The following ZNF488 variants were observed in gnomAD, a reference collection of about 807,000 sequenced individuals.
ZNF488 encodes the protein zinc finger protein 488.
ZNF488 carries 1 observed loss-of-function variant against 1.2 expected under a neutral mutation model. That is an observed-to-expected ratio of 0.86 (90% CI 0.30 to 4.07). The LOEUF (loss-of-function observed/expected upper bound fraction) is 4.07. Ranked by LOEUF, ZNF488 falls within the 30% of genes most tolerant of loss-of-function variation. The probability of loss-of-function intolerance (pLI) is 0.18; values close to 1 mark genes in which losing one functional copy is unlikely to be tolerated. For synonymous variants in ZNF488, 185 were observed against 190.1 expected (o/e 0.97, Z 0.22); for missense variants, 450 against 437.9 (o/e 1.03, Z -0.25).
chr10:47,374,322 CATG>C (rs1555214180), intron 1 of ZNF488, among the ~76,000 whole-genome samples: 2 of 152,242 alleles, frequency 1.3e-5, no homozygotes, highest in African/African-American at 2.4e-5. Context: ...TGTGACACAG[CATG>C]ATACTTCTGT....
At chr10:47,371,658 C>T (rs1221123167) in intron 1 of ZNF488, among the ~76,000 whole-genome samples, 1 of 151,908 alleles carries the variant, frequency 6.6e-6, no homozygotes, top group Non-Finnish European at 1.5e-5. Flanking sequence ...GCGGCAGTGC[C>T]CTTTTCTGCT....
chr10:47,369,979 T>TGAATGAAA (rs1160561337), intron 1 of ZNF488, among the ~76,000 whole-genome samples: 4 of 149,358 alleles, frequency 2.7e-5, no homozygotes, highest in Non-Finnish European at 5.9e-5. Context: ...AAGCCTTTGC[T>TGAATGAAA]GAATGAATGA....
intron 1 of ZNF488, among the ~76,000 whole-genome samples, chr10:47,370,334 C>T (rs1837417625): frequency 6.6e-6 from 1 of 152,254 alleles, no homozygotes; most frequent in Non-Finnish European, 1.5e-5. Context: ...CCACCAAGGG[C>T]GTCCAACCTA....
chr10:47,382,434 CT>C (rs546835188), intron 1 of ZNF488, among the ~76,000 whole-genome samples: 70 of 151,166 alleles, frequency 4.6e-4, no homozygotes, highest in African/African-American at 1.4e-3. Flanking sequence ...TTAAGTTTGT[CT>C]TTTTTTTTAA....
intron 1 of ZNF488, among the ~76,000 whole-genome samples, chr10:47,372,241 T>C (rs17095806): frequency 0.052 from 7,867 of 151,750 alleles, 730 homozygotes; most frequent in African/African-American, 0.18. Context: ...GAGTTCAGAG[T>C]AGGAAGGTCC....
At chr10:47,378,421 T>C (rs557883620) in intron 1 of ZNF488, among the ~76,000 whole-genome samples, 1 of 152,322 alleles carries the variant, frequency 6.6e-6, no homozygotes, top group African/African-American at 2.4e-5. Flanking sequence ...CCTCCACTGG[T>C]GAGAGGTACT....
At chr10:47,377,644 G>A (rs1555214601) in intron 1 of ZNF488, among the ~76,000 whole-genome samples, 1 of 102,572 alleles carries the variant, frequency 9.7e-6, no homozygotes, top group Non-Finnish European at 1.9e-5. Flanking sequence ...ACACATGGCT[G>A]CCACCCAGAG....
chr10:47,370,606 G>C (rs1414791239), intron 1 of ZNF488, among the ~76,000 whole-genome samples: 1 of 152,226 alleles, frequency 6.6e-6, no homozygotes, highest in Non-Finnish European at 1.5e-5. Flanking sequence ...TGCCTAACAG[G>C]AGAGGGAAAT....
In ZNF488 at chr10:47,365,988, G is replaced by A. The variant is rs548016144; in HGVS notation, c.*1819C>T. 1.2e-5 allele frequency: 2 copies of A among 167,240 alleles called. No homozygotes were observed. Among genetic ancestry groups the A allele is most frequent in the South Asian group, 4.1e-4 (2 of 4,826 alleles). 10.4% of individuals were successfully genotyped at this position (167,240 alleles called of 1,614,324 possible). A position where few individuals can be genotyped will look rare whatever the true frequency, so the allele number is the denominator to read the frequency against. ...TGAAGGTAGCAGGTATAGCTTCAGG[G>A]AAGTGTCAGAAACACTGGAAGTGTT... On this transcript the variant is annotated 3_prime_UTR_variant, in exon 2 of 2. Transcript: ENST00000585316.
chr10:47,370,908 T>C (rs1364880968), intron 1 of ZNF488, among the ~76,000 whole-genome samples: 2 of 152,216 alleles, frequency 1.3e-5, no homozygotes, highest in African/African-American at 4.8e-5. Flanking sequence ...CCCTCTTCCG[T>C]TCATTCCGCA....
At position 47,368,255 on chromosome 10, in the gene ZNF488, A is replaced by C. The variant is rs782685426; in HGVS notation, c.575T>G (p.Leu192Arg). 3.7e-5 allele frequency: 60 copies of C among 1,614,108 alleles called. No individual in the cohort carries two copies. The highest frequency in any genetic ancestry group is 4.8e-5 in the Non-Finnish European group (57 of 1,180,046). ...GTCTGTAGTGTTGAGGAGTCCAGAC[A>C]GCTCCCCCAGGGCATCTGCAGATTC... Reference protein sequence around the residue: ...AGESADALGELSGLLNTTDLA... With the variant: ...AGESADALGERSGLLNTTDLA... The change falls in exon 2 of 2, where the codon CTG (leucine) becomes CGG (arginine). Residue 192 changes from leucine to arginine, a missense_variant. Transcript: ENST00000585316.
chr10:47,370,320 A>G (rs541477422), intron 1 of ZNF488, among the ~76,000 whole-genome samples: 60 of 152,338 alleles, frequency 3.9e-4, no homozygotes, highest in Non-Finnish European at 4.3e-4. Flanking sequence ...CAAACTATGA[A>G]GCTCCACCAA....
chr10:47,383,501 T>C (rs1245172704), intron 1 of ZNF488, among the ~76,000 whole-genome samples: 1 of 152,222 alleles, frequency 6.6e-6, no homozygotes, highest in Non-Finnish European at 1.5e-5. Context: ...AGGCTTAGCT[T>C]CCTGCTGTGC....
chr10:47,376,189 T>G (rs1259473102), intron 1 of ZNF488, among the ~76,000 whole-genome samples: 2 of 152,150 alleles, frequency 1.3e-5, no homozygotes, highest in African/African-American at 4.8e-5. Context: ...TGCTTCAAGA[T>G]CAGGGATGGA....
chr10:47,373,924 C>A (rs1005934374), intron 1 of ZNF488, among the ~76,000 whole-genome samples: 6 of 152,232 alleles, frequency 3.9e-5, no homozygotes, highest in Middle Eastern at 3.2e-3. Flanking sequence ...GGTGCTCCAT[C>A]CACCTACACT....
chr10:47,382,777 G>A (rs1335519231), intron 1 of ZNF488, among the ~76,000 whole-genome samples: 3 of 151,986 alleles, frequency 2.0e-5, no homozygotes, highest in Admixed American at 2.0e-4. Flanking sequence ...ATTTATCTAC[G>A]GCCAAATTTC....
At chr10:47,381,565 G>C (rs1837956390) in intron 1 of ZNF488, among the ~76,000 whole-genome samples, 1 of 152,416 alleles carries the variant, frequency 6.6e-6, no homozygotes. Context: ...GCAATTCCTG[G>C]TCAGCCCCTA....
At chr10:47,382,378 T>C (rs563697069) in intron 1 of ZNF488, among the ~76,000 whole-genome samples, 79 of 152,340 alleles carry the variant, frequency 5.2e-4, no homozygotes, top group African/African-American at 1.8e-3. Context: ...ATGATGTTCT[T>C]ATAGAGGCAC....
rs1837245617 is a variant in ZNF488 at position 47,367,047 on chromosome 10, A to G, written c.*760T>C. On this transcript the variant is annotated 3_prime_UTR_variant, in exon 2 of 2. Transcript: ENST00000585316. Reference sequence around the variant, plus strand: ...TGAGAGGACATTGGCAATGTGACCCAAGCAGAGGCTTGAGGTGTGCTTGTT... The same window carrying G: ...TGAGAGGACATTGGCAATGTGACCCGAGCAGAGGCTTGAGGTGTGCTTGTT... 6.0e-6 allele frequency: 1 copy of G among 167,062 alleles called. No individual in the cohort carries two copies. 10.3% of individuals were successfully genotyped at this position (167,062 alleles called of 1,614,324 possible).
Sources: gnomAD v4.1 joint callset for allele counts (sites outside exome capture counted in the v4.1 genomes callset) on GRCh38, gnomAD v4.1.1 for gene constraint, MANE v1.5 for transcripts, NCBI Gene and HGNC (gene_info 2026-07-23, HGNC 2026-07-21) for gene names.